RYK: variants seen among roughly 807,000 people sequenced by gnomAD.
RYK encodes the protein receptor like tyrosine kinase, also known as inactive tyrosine-protein kinase RYK.
In RYK, 21 loss-of-function variants were observed where a neutral mutation model predicts 70.2. That is an observed-to-expected ratio of 0.30 (90% confidence interval 0.21 to 0.43). The LOEUF (loss-of-function observed/expected upper bound fraction) is 0.43. Ranked by LOEUF, RYK falls within the 20% of genes least tolerant of loss-of-function variation. The probability of loss-of-function intolerance (pLI) is 1.00; values close to 1 mark genes in which losing one functional copy is unlikely to be tolerated. For synonymous variants in RYK, 267 were observed against 278.0 expected (o/e 0.96, Z 0.39); for missense variants, 604 against 753.3 (o/e 0.80, Z 2.32).
At chr3:134,233,011 C>T (rs115542881) in intron 1 of RYK, among the ~76,000 whole-genome samples, 522 of 152,358 alleles carry the variant, frequency 3.4e-3, no homozygotes, top group African/African-American at 0.012. Flanking sequence ...GGAGCATTCC[C>T]ATCCTTTGCA....
intron 2 of RYK, among the ~76,000 whole-genome samples, chr3:134,217,337 C>T (rs1479026825): frequency 2.0e-5 from 3 of 152,180 alleles, no homozygotes; most frequent in Admixed American, 6.5e-5. Flanking sequence ...GTTAAATGAT[C>T]AGGTGACAAA....
Position 134,198,730 on chromosome 3 carries a change from A to G in RYK, c.789-3548T>C, listed in dbSNP as rs181581932. 2.0e-5 allele frequency among the ~76,000 whole-genome samples: 3 copies of G among 152,356 alleles called. No homozygotes were observed. In the East Asian group the frequency reaches 5.8e-4, roughly 29 times the overall value. ...CATTTCTGGCACAAACTATTGTGAAAAAAGCAAAGAATGATTGGTAAAACA... is the reference window on the plus strand; with the variant it reads ...CATTTCTGGCACAAACTATTGTGAAGAAAGCAAAGAATGATTGGTAAAACA... On this transcript the variant is annotated intron_variant, in intron 6 of 14. Coordinates refer to ENST00000623711, the MANE Select transcript of RYK (RefSeq NM_002958.4).
At chr3:134,230,827 G>C (rs1440256768) in intron 1 of RYK, among the ~76,000 whole-genome samples, 1 of 152,078 alleles carries the variant, frequency 6.6e-6, no homozygotes, top group African/African-American at 2.4e-5. Flanking sequence ...ATTATACGTA[G>C]TTTAACTAAT....
chr3:134,231,207 A>AG (rs2015050256), intron 1 of RYK, among the ~76,000 whole-genome samples: 1 of 151,858 alleles, frequency 6.6e-6, no homozygotes, highest in East Asian at 1.9e-4. Context: ...AAAAAAAAAA[A>AG]AAGAAGAAAA....
rs540032918 is a variant in RYK at position 134,195,123 on chromosome 3, T to C, written c.848A>G (p.Tyr283Cys). 170 of 1,613,750 alleles carry C rather than the reference T, an allele frequency of 1.1e-4. No individual in the cohort carries two copies. The East Asian group carries it at 3.3e-3, about 31-fold the overall frequency. The part of the protein sequence containing the change: ...LSQPSTQTTQ[Y>C]LRADTPNNAT... ...ATTGTTGGGCGTGTCTGCTCTCAGA[T>C]ACTGAGTCGTCTGGGTGGATGGCTG... The change falls in exon 7 of 15, where the codon TAT (tyrosine) becomes TGT (cysteine). Residue 283 changes from tyrosine (Y) to cysteine (C), a missense_variant. Coordinates refer to ENST00000623711, the MANE Select transcript of RYK (RefSeq NM_002958.4).
intron 6 of RYK, among the ~76,000 whole-genome samples, chr3:134,197,986 C>T (rs763725998): frequency 6.6e-6 from 1 of 152,164 alleles, no homozygotes; most frequent in Admixed American, 6.5e-5. Flanking sequence ...AAGCAAAGCA[C>T]TATGCTAAGT....
chr3:134,175,345 A>T (rs1374167603), intron 13 of RYK, among the ~76,000 whole-genome samples: 1 of 115,440 alleles, frequency 8.7e-6, no homozygotes, highest in African/African-American at 3.7e-5. Flanking sequence ...CTCTGTCTTA[A>T]AAAAAAAAAA....
At chr3:134,220,127 C>G (rs1346700235) in intron 2 of RYK, among the ~76,000 whole-genome samples, 2 of 152,162 alleles carry the variant, frequency 1.3e-5, no homozygotes, top group South Asian at 4.2e-4. Flanking sequence ...GAAGAAACCT[C>G]AGACAACACA....
intron 2 of RYK, among the ~76,000 whole-genome samples, chr3:134,221,659 T>C (rs577633444): frequency 3.7e-4 from 56 of 152,300 alleles, no homozygotes; most frequent in African/African-American, 1.3e-3. Context: ...CACTACTCTA[T>C]AATACTTTTT....
chr3:134,224,192 T>C (rs1490294304), intron 1 of RYK, among the ~76,000 whole-genome samples: 1 of 152,114 alleles, frequency 6.6e-6, no homozygotes, highest in Non-Finnish European at 1.5e-5. Flanking sequence ...TGGCCCTGAA[T>C]GCCTGGCTGT....
At chr3:134,171,748 T>C (rs1340982867) in intron 13 of RYK, among the ~76,000 whole-genome samples, 1 of 151,940 alleles carries the variant, frequency 6.6e-6, no homozygotes, top group African/African-American at 2.4e-5. Flanking sequence ...ACACTGGTAG[T>C]CCTAGCTACT....
intron 13 of RYK, among the ~76,000 whole-genome samples, chr3:134,173,988 C>T (rs10804626): frequency 0.091 from 13,903 of 152,148 alleles, 1,303 homozygotes; most frequent in South Asian, 0.32. Context: ...CATGACAAAA[C>T]GTGATTAAGG....
intron 10 of RYK, chr3:134,180,409 C>G (rs2013257427): frequency 6.6e-6 from 1 of 152,160 alleles, no homozygotes; most frequent in African/African-American, 2.4e-5. Context: ...CAATCCGTAA[C>G]CATGGATGTT....
intron 1 of RYK, among the ~76,000 whole-genome samples, chr3:134,243,628 C>A (rs2015380360): frequency 6.6e-6 from 1 of 152,174 alleles, no homozygotes; most frequent in African/African-American, 2.4e-5. Context: ...CACAATTTCA[C>A]ACAGCTGCTT....
chr3:134,241,406 C>T (rs1383923103), intron 1 of RYK, among the ~76,000 whole-genome samples: 9 of 132,884 alleles, frequency 6.8e-5, no homozygotes, highest in Admixed American at 5.9e-4. Flanking sequence ...TACAGTATCA[C>T]CTTTTTATAA....
At chr3:134,236,534 C>T (rs921690516) in intron 1 of RYK, among the ~76,000 whole-genome samples, 1 of 152,170 alleles carries the variant, frequency 6.6e-6, no homozygotes, top group Non-Finnish European at 1.5e-5. Flanking sequence ...AAATCCCTAT[C>T]AAACTTCTGA....
intron 6 of RYK, 56 bp from the exon 7 acceptor site, chr3:134,195,238 C>G (rs2013776767): frequency 1.5e-6 from 2 of 1,314,778 alleles, no homozygotes; most frequent in Admixed American, 1.8e-5. Context: ...GAGAAATTTC[C>G]TTTTTCCATA....
chr3:134,214,261 A>C (rs1188622484), intron 2 of RYK, among the ~76,000 whole-genome samples: 1 of 152,092 alleles, frequency 6.6e-6, no homozygotes, highest in Non-Finnish European at 1.5e-5. Context: ...TTACTTCACT[A>C]CCAAAACAAA....
chr3:134,246,806 A>C (rs368919825), intron 1 of RYK, among the ~76,000 whole-genome samples: 14 of 152,260 alleles, frequency 9.2e-5, no homozygotes, highest in African/African-American at 3.1e-4. Flanking sequence ...GCAAACCAAG[A>C]AAAAGGAAGA....
Sources: allele counts gnomAD v4.1 joint callset (sites outside exome capture counted in the v4.1 genomes callset), GRCh38; gene constraint gnomAD v4.1.1; transcripts MANE v1.5; gene names NCBI Gene and HGNC (gene_info 2026-07-23, HGNC 2026-07-21).